Variants in SFI1 observed in about 807,000 individuals in gnomAD.
The protein encoded by SFI1 is protein SFI1 homolog.
Under a neutral mutation model 207.5 loss-of-function variants are expected in SFI1, and 195 were observed. That is an observed-to-expected ratio of 0.94 (90% CI 0.84 to 1.06). The LOEUF is 1.06. SFI1 is among the 50% of genes least tolerant of loss of function. SFI1 has a pLI of 0.00. For synonymous variants in SFI1, 630 were observed against 598.9 expected (o/e 1.05, Z -0.76); for missense variants, 1,634 against 1,588.0 (o/e 1.03, Z -0.49).
chr22:31,592,901 T>G (rs1179127842), intron 15 of SFI1, among the ~76,000 whole-genome samples: 1 of 84,722 alleles, frequency 1.2e-5, no homozygotes, highest in East Asian at 4.1e-4. Context: ...CTGGCCGGGC[T>G]GAGGGGCTCC....
Position 31,573,193 on chromosome 22 carries a change from A to G in SFI1, c.901A>G (p.Arg301Gly). 1 of 1,614,082 alleles carries G rather than the reference A, an allele frequency of 6.2e-7. No individual in the cohort carries two copies. The change falls in exon 9 of 33, where the codon AGA (arginine) becomes GGA (glycine). Residue 301 changes from arginine (R) to glycine (G), a missense_variant. Physicochemically the swap from Arg to Gly is moderately radical, Grantham distance 125. Coordinates refer to ENST00000400288, the MANE Select transcript of SFI1 (RefSeq NM_001007467.3). ...CTGGCTTGAATACCTGCAAGTCCGCAGAGTGAAGAGACAGCAGAATGGTGA... is the reference window on the plus strand; with the variant it reads ...CTGGCTTGAATACCTGCAAGTCCGCGGAGTGAAGAGACAGCAGAATGGTGA... ...KAWLEYLQVRRVKRQQNEMAE... is the reference protein window; with the variant it reads ...KAWLEYLQVRGVKRQQNEMAE...
At chr22:31,509,082 C>T (rs1420835612) in intron 2 of SFI1, among the ~76,000 whole-genome samples, 3 of 152,064 alleles carry the variant, frequency 2.0e-5, no homozygotes, top group Non-Finnish European at 4.4e-5. Context: ...AGGTGTATTA[C>T]ATAAATTGAT....
chr22:31,558,114 T>C (rs2061344592), intron 7 of SFI1, among the ~76,000 whole-genome samples: 1 of 152,194 alleles, frequency 6.6e-6, no homozygotes, highest in African/African-American at 2.4e-5. Flanking sequence ...CTTATTTTCC[T>C]CATCTGTGAA....
In SFI1 at chr22:31,613,413, G is replaced by A; in HGVS notation, c.2625G>A (p.Gln875=). Reference sequence around the variant, plus strand: ...GGAGGAGAAAGAAGGCGCGGCTGCAGTGGGCGCTCCAGGCCTACCAGGGGC... The same window carrying A: ...GGAGGAGAAAGAAGGCGCGGCTGCAATGGGCGCTCCAGGCCTACCAGGGGC... The part of the protein sequence containing the change: ...LERRRKKARL[Q]WALQAYQGQL... Residue 875 remains glutamine, a synonymous_variant, in exon 26 of 33, where the codon CAG becomes CAA. Coordinates refer to ENST00000400288, the MANE Select transcript of SFI1 (RefSeq NM_001007467.3). The A allele has an allele frequency of 6.2e-7, 1 of 1,610,924 alleles. No individual in the cohort carries two copies. Among genetic ancestry groups the A allele is most frequent in the Non-Finnish European group, 8.5e-7 (1 of 1,179,788 alleles).
In SFI1 at chr22:31,593,039, C is replaced by T. The variant is rs1216893590; in HGVS notation, c.1544+3462C>T. Among the ~76,000 whole-genome samples the T allele has an allele frequency of 8.8e-5, 12 of 136,662 alleles. 1 individual carries two copies. Among genetic ancestry groups the T allele is most frequent in the African/African-American group, 3.5e-4 (12 of 34,656 alleles). The allele number at this position is 136,662 out of a possible 152,430, so 89.7% of individuals were successfully genotyped here. A position where few individuals can be genotyped will look rare whatever the true frequency, so the allele number is the denominator to read the frequency against. ...ACGGCTGGCCAGGTGGGGGGCTGACCCCCCCACCTCCCTCCCGGACGGCAC... is the reference window on the plus strand; with the variant it reads ...ACGGCTGGCCAGGTGGGGGGCTGACTCCCCCACCTCCCTCCCGGACGGCAC... On this transcript the variant is annotated intron_variant, in intron 15 of 32. Transcript: ENST00000400288.
intron 4 of SFI1, among the ~76,000 whole-genome samples, chr22:31,545,607 A>G (rs1352601146): frequency 2.3e-5 from 3 of 130,652 alleles, no homozygotes; most frequent in East Asian, 2.1e-4. Context: ...TTTGAGACGA[A>G]GTCTCACTTT....
intron 3 of SFI1, chr22:31,530,835 T>C (rs192362016): frequency 1.8e-6 from 1 of 544,226 alleles, no homozygotes; most frequent in South Asian, 2.2e-5. Context: ...ACTGACAATT[T>C]ATGTTGAAAA....
chr22:31,561,443 C>G, intron 8 of SFI1, 51 bp downstream of exon 8: 1 of 1,510,270 alleles, frequency 6.6e-7, no homozygotes, highest in Non-Finnish European at 9.1e-7. Flanking sequence ...GTTGTCAAGC[C>G]TCTCACCCAC....
At position 31,498,164 on chromosome 22, in the gene SFI1, G is replaced by A. The variant is rs138677784; in HGVS notation, c.-31+1527G>A. 8.4e-3 allele frequency among the ~76,000 whole-genome samples: 1,281 copies of A among 152,188 alleles called. 15 individuals carry two copies. Among genetic ancestry groups the A allele is most frequent in the Non-Finnish European group, 0.014 (971 of 68,008 alleles). ...CAAAATATTAGCCGGATGTGGTGGCGGGCACCCATAATCCCAGCTACTGGG... is the reference window on the plus strand; with the variant it reads ...CAAAATATTAGCCGGATGTGGTGGCAGGCACCCATAATCCCAGCTACTGGG... On this transcript the variant is annotated intron_variant, in intron 1 of 32. Transcript: ENST00000400288.
Position 31,606,339 on chromosome 22 carries a change from G to A in SFI1, c.2066G>A (p.Arg689His), listed in dbSNP as rs925514426. The A allele has an allele frequency of 9.3e-6, 15 of 1,613,656 alleles. No individual in the cohort carries two copies. The highest frequency in any genetic ancestry group is 6.6e-5 in the South Asian group (6 of 91,094). Residue 689 changes from arginine (R) to histidine (H), a missense_variant, in exon 21 of 33, where the codon CGT becomes CAT. Physicochemically the swap from Arg to His is conservative, Grantham distance 29. Coordinates refer to ENST00000400288, the MANE Select transcript of SFI1 (RefSeq NM_001007467.3). ...CCATGCATCTGCAGCGGGGCATTAC[G>A]TCGCTGGAAAGAGAACACCATGGCC... ...HNRQLLRGAL[R>H]RWKENTMARV...
intron 12 of SFI1, among the ~76,000 whole-genome samples, chr22:31,582,672 C>G (rs1347360237): frequency 6.6e-6 from 1 of 152,100 alleles, no homozygotes; most frequent in East Asian, 1.9e-4. Flanking sequence ...CACTATTCAT[C>G]TCTAGAACTT....
rs55894054 is a variant in SFI1 at position 31,580,313 on chromosome 22, T to C, written c.1197T>C (p.Ala399=). 96,011 of 1,613,696 alleles carry C rather than the reference T, an allele frequency of 0.059. 2,984 individuals carry two copies. Among genetic ancestry groups the C allele is most frequent in the Non-Finnish European group, 0.065 (77,147 of 1,179,670 alleles). Residue 399 remains alanine (A), a synonymous_variant, in exon 12 of 33, where the codon GCT becomes GCC. Transcript: ENST00000400288. Reference sequence around the variant, plus strand: ...CCCTAAAAGACAATGTGACCCACGCTCATCTCCAGCAAATAAGAAGGAATC... The same window carrying C: ...CCCTAAAAGACAATGTGACCCACGCCCATCTCCAGCAAATAAGAAGGAATC... ...FRALKDNVTH[A]HLQQIRRNLA...
intron 2 of SFI1, among the ~76,000 whole-genome samples, chr22:31,511,723 G>A (rs760260167): frequency 6.6e-6 from 1 of 151,996 alleles, no homozygotes; most frequent in East Asian, 1.9e-4. Context: ...GCGTGATCTT[G>A]GCTCACTGAA....
intron 2 of SFI1, among the ~76,000 whole-genome samples, chr22:31,515,865 G>A (rs1356581577): frequency 6.6e-6 from 1 of 151,576 alleles, no homozygotes; most frequent in Admixed American, 6.6e-5. Flanking sequence ...AGCCTCCCAA[G>A]TAGCTGGAAC....
intron 20 of SFI1, 77 bp from the exon 21 acceptor site, chr22:31,606,251 T>TGATTCACAGAAGC: frequency 7.6e-7 from 1 of 1,322,688 alleles, no homozygotes; most frequent in Non-Finnish European, 1.1e-6. Context: ...GGGGAAGAAG[T>TGATTCACAGAAGC]AGGAATGATT....
At chr22:31,498,303 AATAT>A in intron 1 of SFI1, among the ~76,000 whole-genome samples, 1 of 150,732 alleles carries the variant, frequency 6.6e-6, no homozygotes, top group South Asian at 2.1e-4. Flanking sequence ...ATATCAAAAA[AATAT>A]ATATATATTT....
At chr22:31,508,152 A>G (rs1264704524) in intron 1 of SFI1, 103 bp from the exon 2 acceptor site, 2 of 677,224 alleles carry the variant, frequency 3.0e-6, no homozygotes, top group African/African-American at 1.8e-5. Flanking sequence ...CTAGTGTTGA[A>G]TTAAGGAGAG....
intron 29 of SFI1, 48 bp downstream of exon 29, chr22:31,615,327 C>A: frequency 7.1e-7 from 1 of 1,407,552 alleles, no homozygotes; most frequent in South Asian, 1.6e-5. Context: ...TCACTCTGGT[C>A]TGACTTCTGG....
chr22:31,564,611 C>T (rs1013289765), intron 8 of SFI1, among the ~76,000 whole-genome samples: 1 of 151,578 alleles, frequency 6.6e-6, no homozygotes, highest in Non-Finnish European at 1.5e-5. Flanking sequence ...CTTAAGTGAT[C>T]CTCCCACCTC....
Sources: allele counts gnomAD v4.1 joint callset (sites outside exome capture counted in the v4.1 genomes callset), GRCh38; gene constraint gnomAD v4.1.1; transcripts MANE v1.5; gene names NCBI Gene and HGNC (gene_info 2026-07-23, HGNC 2026-07-21).